SLC30A6: variants seen among roughly 807,000 people sequenced by gnomAD.
SLC30A6 encodes solute carrier family 30 member 6.
SLC30A6 carries 55 observed loss-of-function variants against 63.0 expected under a neutral mutation model. That is an observed-to-expected ratio of 0.87 (90% CI 0.70 to 1.09). The LOEUF (loss-of-function observed/expected upper bound fraction) is 1.09, where lower values mean the gene tolerates loss of function less well. SLC30A6 is among the 50% of genes least tolerant of loss of function. The probability of loss-of-function intolerance (pLI) is 0.00; values close to 1 mark genes in which losing one functional copy is unlikely to be tolerated. For synonymous variants in SLC30A6, 224 were observed against 186.1 expected, an observed-to-expected ratio of 1.20 and a Z score of -1.66; for missense variants, 587 against 549.2, an observed-to-expected ratio of 1.07 and a Z score of -0.69.
In SLC30A6 at chr2:32,221,105, G is replaced by A. The variant is rs866734824; in HGVS notation, c.*392G>A. On this transcript the variant is annotated 3_prime_UTR_variant, in exon 14 of 14. Coordinates refer to ENST00000282587, the MANE Select transcript of SLC30A6 (RefSeq NM_017964.5). ...GAGTCTTGCTCTGCCACTGTGCCCG[G>A]CCAATACATTATTATTAACTTAAGG... 2 of 211,312 alleles carry A rather than the reference G, an allele frequency of 9.5e-6. No individual in the cohort carries two copies. Among genetic ancestry groups the A allele is most frequent in the Non-Finnish European group, 1.9e-5 (2 of 103,608 alleles). 13.1% of individuals were successfully genotyped at this position (211,312 alleles called of 1,614,324 possible). A position where few individuals can be genotyped will look rare whatever the true frequency, so the allele number is the denominator to read the frequency against.
At chr2:32,194,095 G>T in intron 8 of SLC30A6, 112 bp downstream of exon 8, 1 of 762,068 alleles carries the variant, frequency 1.3e-6, no homozygotes, top group African/African-American at 1.8e-5. Flanking sequence ...CTGAAGACAA[G>T]AGAGAACTAG....
chr2:32,208,233 C>T (rs1486695894), intron 12 of SLC30A6, among the ~76,000 whole-genome samples: 1 of 151,592 alleles, frequency 6.6e-6, no homozygotes, highest in Non-Finnish European at 1.5e-5. Flanking sequence ...TGAGTTCAAG[C>T]GATTCTCCTG....
chr2:32,174,548 A>ATTTTTTTTTTTTT (rs11432136), intron 3 of SLC30A6, among the ~76,000 whole-genome samples: 1 of 92,260 alleles, frequency 1.1e-5, no homozygotes, highest in Non-Finnish European at 1.9e-5. Flanking sequence ...CTATCTGGAG[A>ATTTTTTTTTTTTT]TTTTTTTTTT....
At chr2:32,171,427 T>C in intron 2 of SLC30A6, 54 bp downstream of exon 2, 2 of 1,385,764 alleles carry the variant, frequency 1.4e-6, no homozygotes, top group Non-Finnish European at 2.0e-6. Flanking sequence ...CATTATAACA[T>C]TGAAGAAAGA....
At chr2:32,202,589 C>G in intron 10 of SLC30A6, 1 of 415,832 alleles carries the variant, frequency 2.4e-6, no homozygotes, top group South Asian at 2.1e-5. Flanking sequence ...TCTCGGCCTC[C>G]CAAAGTGCTG....
chr2:32,222,871 C>G lies in SLC30A6; in HGVS notation c.*2158C>G, dbSNP rs556351451. On this transcript the variant is annotated 3_prime_UTR_variant, in exon 14 of 14. Transcript: ENST00000282587. The stretch of plus-strand genomic sequence containing the variant: ...TGGTTAAGAGGTATGTGCTGCCACC[C>G]CATGCATGTCTTCCCCATCCCCATA... The G allele has an allele frequency of 2.0e-5, 3 of 152,362 alleles. No individual in the cohort carries two copies. The highest frequency in any genetic ancestry group is 4.4e-5 in the Non-Finnish European group (3 of 68,212). The allele number at this position is 152,362 out of a possible 1,614,324, so 9.4% of individuals were successfully genotyped here. A position where few individuals can be genotyped will look rare whatever the true frequency, so the allele number is the denominator to read the frequency against.
rs1042589225 is a variant in SLC30A6 at position 32,174,293 on chromosome 2, C to G, written c.175+146C>G. 4.3e-5 allele frequency: 21 copies of G among 489,120 alleles called. No individual in the cohort carries two copies. The South Asian group carries it at 7.5e-4, about 18-fold the overall frequency. The allele number at this position is 489,120 out of a possible 1,614,324, so 30.3% of individuals were successfully genotyped here. ...AATAAGGGACTATATTTAAAACTTC[C>G]CTGTAAACTGTAAACTTTTGTTCAT... is the stretch of plus-strand genomic sequence containing the variant. On this transcript the variant is annotated intron_variant, in intron 3 of 13. Coordinates refer to ENST00000282587, the MANE Select transcript of SLC30A6 (RefSeq NM_017964.5).
chr2:32,172,798 C>A (rs914101054), intron 2 of SLC30A6, among the ~76,000 whole-genome samples: 3 of 152,214 alleles, frequency 2.0e-5, no homozygotes, highest in African/African-American at 7.2e-5. Context: ...ATGGCTGTTT[C>A]ATACGATGTT....
Position 32,165,879 on chromosome 2 carries a change from G to T in SLC30A6, c.-22G>T, listed in dbSNP as rs1680588725. 11 of 1,613,978 alleles carry T rather than the reference G, an allele frequency of 6.8e-6. No homozygotes were observed. The highest frequency in any genetic ancestry group is 9.3e-6 in the Non-Finnish European group (11 of 1,179,890). On this transcript the variant is annotated 5_prime_UTR_variant, in exon 1 of 14. Transcript: ENST00000282587. ...TCGAGCACCCAGAACGGCTTCCGGC[G>T]GGAGCTGTGCAGCTCCTTATCATGG... is the stretch of plus-strand genomic sequence containing the variant.
intron 8 of SLC30A6, among the ~76,000 whole-genome samples, chr2:32,197,035 G>A (rs1482540230): frequency 6.6e-6 from 1 of 152,124 alleles, no homozygotes; most frequent in African/African-American, 2.4e-5. Flanking sequence ...ACTCCAGCCT[G>A]GGCAGAAAGA....
chr2:32,202,688 A>G, intron 10 of SLC30A6: 1 of 659,852 alleles, frequency 1.5e-6, no homozygotes, highest in Non-Finnish European at 2.8e-6. Context: ...ATCAAATGTT[A>G]GAGTTAGGTT....
chr2:32,211,612 C>CTTT (rs1363568350), intron 13 of SLC30A6, among the ~76,000 whole-genome samples: 2 of 146,236 alleles, frequency 1.4e-5, no homozygotes, highest in African/African-American at 2.5e-5. Flanking sequence ...ACCCTTTCTT[C>CTTT]TTTTTTTTTT....
intron 1 of SLC30A6, among the ~76,000 whole-genome samples, chr2:32,168,377 T>C (rs2148789642): frequency 6.7e-6 from 1 of 150,208 alleles, no homozygotes; most frequent in African/African-American, 2.4e-5. Context: ...GTTTTGTGTT[T>C]ATTAACATGC....
chr2:32,174,234 A>G (rs1573242346), intron 3 of SLC30A6, 87 bp downstream of exon 3: 6 of 944,406 alleles, frequency 6.4e-6, no homozygotes, highest in Non-Finnish European at 9.6e-6. Flanking sequence ...CATAGAATAT[A>G]TTATTCTGAA....
intron 4 of SLC30A6, among the ~76,000 whole-genome samples, chr2:32,177,026 G>C (rs1207993835): frequency 6.6e-6 from 1 of 151,974 alleles, no homozygotes; most frequent in African/African-American, 2.4e-5. Flanking sequence ...GCCCACCTTG[G>C]CCTCCCAAAG....
At position 32,220,089 on chromosome 2, in the gene SLC30A6, TAAGCTTTTTCTTTCA is replaced by T. The variant is rs565165808; in HGVS notation, c.886-120_886-106del. On this transcript the variant is annotated intron_variant, in intron 13 of 13. Coordinates refer to ENST00000282587, the MANE Select transcript of SLC30A6 (RefSeq NM_017964.5). The stretch of plus-strand genomic sequence containing the variant: ...AGTAGTCTTTAAGAAATATTAACAT[TAAGCTTTTTCTTTCA>T]AAGAAAATGCCAGGAACTTACCAAA... 1.3e-3 allele frequency: 1,438 copies of T among 1,078,638 alleles called. 13 individuals are homozygous for T. In the African/African-American group the frequency reaches 0.019, roughly 14 times the overall value. The allele number at this position is 1,078,638 out of a possible 1,614,324, so 66.8% of individuals were successfully genotyped here.
intron 4 of SLC30A6, 61 bp downstream of exon 4, chr2:32,175,422 A>G (rs1681646653): frequency 7.0e-7 from 1 of 1,428,618 alleles, no homozygotes; most frequent in Non-Finnish European, 9.7e-7. Context: ...GAAATGTGGT[A>G]TAGCCATACA....
At chr2:32,168,944 G>C (rs1680925322) in intron 1 of SLC30A6, among the ~76,000 whole-genome samples, 1 of 152,124 alleles carries the variant, frequency 6.6e-6, no homozygotes, top group Admixed American at 6.6e-5. Context: ...TTCATTGTCA[G>C]GATGGCATCA....
intron 10 of SLC30A6, among the ~76,000 whole-genome samples, chr2:32,200,254 C>G (rs1198200643): frequency 6.6e-6 from 1 of 152,038 alleles, no homozygotes; most frequent in East Asian, 1.9e-4. Context: ...TCATTCTTAT[C>G]CATTGCTAGT....
Sources: allele counts gnomAD v4.1 joint callset (sites outside exome capture counted in the v4.1 genomes callset), GRCh38; gene constraint gnomAD v4.1.1; transcripts MANE v1.5; gene names NCBI Gene and HGNC (gene_info 2026-07-23, HGNC 2026-07-21).